The following CR1 variants were observed in gnomAD, a reference collection of about 807,000 sequenced individuals.
The protein encoded by CR1 is complement receptor type 1.
In CR1, 116 loss-of-function variants were observed where a neutral mutation model predicts 187.3. The ratio of observed to expected loss-of-function variants is 0.62; its 90% CI spans 0.53 to 0.72. The LOEUF is 0.72. CR1 is among the 30% of genes least tolerant of loss of function. CR1 has a pLI of 0.00. For synonymous variants in CR1, 576 were observed against 747.1 expected, an observed-to-expected ratio of 0.77 and a Z score of 3.73; for missense variants, 1,731 against 2,110.7, an observed-to-expected ratio of 0.82 and a Z score of 3.52.
rs770402845 is a variant in CR1, at chr1:207,581,769, CTAAG to C, written c.5217-147_5217-144del. ...GGCTTCTGAGCCCGTCAATGAGAAA[CTAAG>C]TGAGTTGAGTGTTTTCACCTGTGCT... On this transcript the variant is annotated intron_variant, in intron 31 of 46. Coordinates refer to ENST00000367049, the MANE Select transcript of CR1 (RefSeq NM_000651.6). 8.2e-5 allele frequency: 40 copies of C among 488,562 alleles called. 1 individual carries two copies. Among genetic ancestry groups the C allele is most frequent in the African/African-American group, 1.6e-4 (8 of 49,862 alleles). The allele number at this position is 488,562 out of a possible 1,614,324, so 30.3% of individuals were successfully genotyped here. A position where few individuals can be genotyped will look rare whatever the true frequency, so the allele number is the denominator to read the frequency against.
At chr1:207,632,773 G>A (rs957322845) in intron 46 of CR1, among the ~76,000 whole-genome samples, 16 of 137,504 alleles carry the variant, frequency 1.2e-4, no homozygotes, top group African/African-American at 4.7e-4. Flanking sequence ...ACTCCAGCCT[G>A]GGTGACAGAG....
intron 46 of CR1, among the ~76,000 whole-genome samples, chr1:207,637,510 G>A (rs1662853281): frequency 6.6e-6 from 1 of 152,182 alleles, no homozygotes; most frequent in Non-Finnish European, 1.5e-5. Context: ...ATTTACCCGT[G>A]GCCTGAGTGA....
intron 28 of CR1, among the ~76,000 whole-genome samples, chr1:207,577,207 C>T (rs1210042132): frequency 4.0e-5 from 6 of 150,422 alleles, no homozygotes; most frequent in African/African-American, 1.2e-4. Flanking sequence ...GCTGAGATCA[C>T]GCCACTGCAC....
At chr1:207,617,610 TATAGAGAGAGAGAG>T (rs1434070858) in intron 41 of CR1, among the ~76,000 whole-genome samples, 126 of 9,306 alleles carry the variant, frequency 0.014, no homozygotes, top group East Asian at 0.055. Context: ...TATATATATA[TATAGAGAGAGAGAG>T]AGAGAGAGAG....
At chr1:207,517,924 C>T (rs1659853584) in intron 4 of CR1, among the ~76,000 whole-genome samples, 1 of 152,056 alleles carries the variant, frequency 6.6e-6, no homozygotes, top group African/African-American at 2.4e-5. Context: ...ATCAATTTTA[C>T]TAAGCTTTTC....
chr1:207,508,719 AG>A (rs1659524798), intron 3 of CR1, among the ~76,000 whole-genome samples: 1 of 151,938 alleles, frequency 6.6e-6, no homozygotes, highest in Admixed American at 6.6e-5. Flanking sequence ...CAAAGTAAAA[AG>A]TTTTTTTTTT....
At chr1:207,498,890 A>AAAAG (rs1553284421) in intron 1 of CR1, among the ~76,000 whole-genome samples, 4 of 149,322 alleles carry the variant, frequency 2.7e-5, no homozygotes, top group African/African-American at 7.4e-5. Flanking sequence ...AAAAAAAAAA[A>AAAAG]AAAGAAACAA....
intron 41 of CR1, among the ~76,000 whole-genome samples, chr1:207,617,082 G>A (rs41364345): frequency 0.07 from 10,653 of 151,862 alleles, 1,257 homozygotes; most frequent in African/African-American, 0.24. Flanking sequence ...GATTTAGTAG[G>A]GAATGTTTTC....
intron 27 of CR1, among the ~76,000 whole-genome samples, chr1:207,574,768 G>T (rs1284760552): frequency 1.3e-5 from 2 of 152,164 alleles, no homozygotes; most frequent in Non-Finnish European, 2.9e-5. Flanking sequence ...AATATCTGTT[G>T]TGTGCATATC....
intron 40 of CR1, among the ~76,000 whole-genome samples, chr1:207,614,867 T>A (rs575625960): frequency 3.5e-4 from 53 of 152,244 alleles, no homozygotes; most frequent in African/African-American, 1.3e-3. Flanking sequence ...CAGAGTGGAG[T>A]GGTGCAATCA....
chr1:207,622,480 C>T (rs1459041272), intron 44 of CR1, among the ~76,000 whole-genome samples: 1 of 152,194 alleles, frequency 6.6e-6, no homozygotes, highest in Non-Finnish European at 1.5e-5. Flanking sequence ...ATTACTCTTA[C>T]ATCCCTTTTT....
At chr1:207,634,149 G>C (rs945368930) in intron 46 of CR1, among the ~76,000 whole-genome samples, 10 of 152,094 alleles carry the variant, frequency 6.6e-5, no homozygotes, top group Admixed American at 3.3e-4. Flanking sequence ...GGGTGTATAC[G>C]TGCAAGTCAC....
In CR1 at chr1:207,514,994, TAC is replaced by T. The variant is rs369482432; in HGVS notation, c.487+3372_487+3373del. Among the ~76,000 whole-genome samples, 658 of 119,488 alleles carry T rather than the reference TAC, an allele frequency of 5.5e-3. 2 individuals are homozygous for T. Among genetic ancestry groups the T allele is most frequent in the African/African-American group, 9.1e-3 (305 of 33,676 alleles). The allele number at this position is 119,488 out of a possible 152,430, so 78.4% of individuals were successfully genotyped here. On this transcript the variant is annotated intron_variant, in intron 4 of 46. Transcript: ENST00000367049. Reference sequence around the variant, plus strand: ...CTGAAGTATAACATATATATATATATACACACACACACACACACACACACACA... The same window carrying T: ...CTGAAGTATAACATATATATATATATACACACACACACACACACACACACA...
intron 35 of CR1, among the ~76,000 whole-genome samples, chr1:207,601,641 T>G (rs1330127935): frequency 3.3e-5 from 5 of 152,204 alleles, no homozygotes; most frequent in African/African-American, 1.2e-4. Flanking sequence ...GAAGTCAGTT[T>G]GATTTACATT....
chr1:207,583,259 T>C lies in CR1; in HGVS notation c.5302+1256T>C, dbSNP rs140640291. 5.0e-3 allele frequency among the ~76,000 whole-genome samples: 768 copies of C among 152,326 alleles called. 5 individuals carry two copies. The highest frequency in any genetic ancestry group is 0.017 in the African/African-American group (715 of 41,566). ...TAGACTAATCAACTGTGTCAAATTC[T>C]ATAGAGAGGTCAAATTAGGTGAGAA... is the stretch of plus-strand genomic sequence containing the variant. On this transcript the variant is annotated intron_variant, in intron 32 of 46. Transcript: ENST00000367049.
At chr1:207,619,360 G>A (rs1464974954) in intron 42 of CR1, among the ~76,000 whole-genome samples, 2 of 144,116 alleles carry the variant, frequency 1.4e-5, no homozygotes, top group Admixed American at 1.4e-4. Context: ...TCCTGCCTGG[G>A]TGACACAGTG....
At chr1:207,517,007 T>C (rs1294032813) in intron 4 of CR1, among the ~76,000 whole-genome samples, 1 of 152,176 alleles carries the variant, frequency 6.6e-6, no homozygotes, top group East Asian at 1.9e-4. Flanking sequence ...AGGCTTTTAA[T>C]AGTCCTCATA....
chr1:207,616,379 G>A lies in CR1; in HGVS notation c.6662-196G>A, dbSNP rs142596808. ...CCAGGAACACTGTCTTTGGGCTTTT[G>A]CAATAAACTGTAATTTAGGTCTCAC... On this transcript the variant is annotated intron_variant, in intron 40 of 46. Transcript: ENST00000367049. Among the ~76,000 whole-genome samples, 311 of 152,228 alleles carry A rather than the reference G, an allele frequency of 2.0e-3. 2 individuals carry two copies. The highest frequency in any genetic ancestry group is 3.4e-3 in the Middle Eastern group (1 of 294).
intron 1 of CR1, among the ~76,000 whole-genome samples, chr1:207,503,592 TC>T (rs1316486494): frequency 3.3e-5 from 5 of 152,100 alleles, no homozygotes; most frequent in Admixed American, 1.3e-4. Flanking sequence ...CCTTCTTCTG[TC>T]TCCTTTCACC....
Sources: gnomAD v4.1 joint callset for allele counts (sites outside exome capture counted in the v4.1 genomes callset) on GRCh38, gnomAD v4.1.1 for gene constraint, MANE v1.5 for transcripts, NCBI Gene and HGNC (gene_info 2026-07-23, HGNC 2026-07-21) for gene names.